ATE1: variants seen among roughly 807,000 people sequenced by gnomAD.
ATE1 encodes arginyl-tRNA--protein transferase 1.
ATE1 carries 36 observed loss-of-function variants against 70.5 expected under a neutral mutation model. That is an observed-to-expected ratio of 0.51 (90% confidence interval 0.39 to 0.67). ATE1 has a LOEUF of 0.67. ATE1 is among the 30% of genes least tolerant of loss of function. ATE1 has a pLI of 0.00. For synonymous variants in ATE1, 232 were observed against 219.3 expected, an observed-to-expected ratio of 1.06 and a Z score of -0.51; for missense variants, 593 against 629.5, an observed-to-expected ratio of 0.94 and a Z score of 0.62.
intron 8 of ATE1, among the ~76,000 whole-genome samples, chr10:121,848,319 A>C (rs572494854): frequency 1.9e-4 from 23 of 119,880 alleles, no homozygotes; most frequent in African/African-American, 5.5e-4. Context: ...TTCATTCATT[A>C]AAAAACTTAT....
intron 1 of ATE1, among the ~76,000 whole-genome samples, chr10:121,926,338 G>C (rs1952087690): frequency 6.6e-6 from 1 of 152,026 alleles, no homozygotes; most frequent in Non-Finnish European, 1.5e-5. Flanking sequence ...GAAATATCCC[G>C]ACACCTGGCA....
intron 11 of ATE1, among the ~76,000 whole-genome samples, chr10:121,759,958 C>T (rs1248277298): frequency 6.6e-6 from 1 of 152,034 alleles, no homozygotes; most frequent in Non-Finnish European, 1.5e-5. Flanking sequence ...CACAAGGGTC[C>T]TTAAGAATTA....
At chr10:121,797,806 A>G (rs1158670232) in intron 10 of ATE1, among the ~76,000 whole-genome samples, 2 of 152,164 alleles carry the variant, frequency 1.3e-5, no homozygotes, top group Non-Finnish European at 2.9e-5. Flanking sequence ...AGCTACTTTA[A>G]GTTTTTGCTC....
chr10:121,925,691 T>C (rs1043878000), intron 1 of ATE1, among the ~76,000 whole-genome samples: 3 of 151,202 alleles, frequency 2.0e-5, no homozygotes, highest in Non-Finnish European at 4.4e-5. Context: ...CTGTGCAACA[T>C]ACCAAATCTC....
At chr10:121,760,784 A>G (rs1269851238) in intron 11 of ATE1, among the ~76,000 whole-genome samples, 1 of 152,254 alleles carries the variant, frequency 6.6e-6, no homozygotes, top group Non-Finnish European at 1.5e-5. Flanking sequence ...GCTATCAAAC[A>G]GCACTGCATG....
At chr10:121,871,192 C>G (rs748841296) in intron 7 of ATE1, among the ~76,000 whole-genome samples, 1 of 152,158 alleles carries the variant, frequency 6.6e-6, no homozygotes, top group African/African-American at 2.4e-5. Context: ...TGGTGGCTCA[C>G]GCATGTAATC....
chr10:121,798,101 G>T (rs920173106), intron 10 of ATE1, among the ~76,000 whole-genome samples: 1 of 152,114 alleles, frequency 6.6e-6, no homozygotes, highest in Admixed American at 6.5e-5. Flanking sequence ...AACACCTTCT[G>T]CCTTGCTCAT....
chr10:121,757,257 T>C (rs1394093933), intron 11 of ATE1, among the ~76,000 whole-genome samples: 1 of 152,184 alleles, frequency 6.6e-6, no homozygotes, highest in Non-Finnish European at 1.5e-5. Flanking sequence ...CTCAGCCTGG[T>C]CCTTATTGTC....
chr10:121,862,736 C>A (rs1050140177), intron 8 of ATE1, among the ~76,000 whole-genome samples: 4 of 151,570 alleles, frequency 2.6e-5, no homozygotes, highest in Admixed American at 2.0e-4. Flanking sequence ...ACTTATTTGC[C>A]GGTCCCAACA....
intron 8 of ATE1, among the ~76,000 whole-genome samples, chr10:121,859,050 G>A (rs1425392895): frequency 6.6e-6 from 1 of 151,558 alleles, no homozygotes; most frequent in Non-Finnish European, 1.5e-5. Flanking sequence ...AGCTGAGATC[G>A]CACCATTGCA....
intron 10 of ATE1, among the ~76,000 whole-genome samples, chr10:121,816,084 C>T (rs1223591909): frequency 6.6e-6 from 1 of 152,018 alleles, no homozygotes; most frequent in Admixed American, 6.6e-5. Context: ...CTTCATTGCC[C>T]TACTATAGCT....
intron 11 of ATE1, among the ~76,000 whole-genome samples, chr10:121,782,047 T>G (rs140895005): frequency 5.0e-4 from 76 of 151,996 alleles, no homozygotes; most frequent in African/African-American, 1.5e-3. Context: ...AGTATTAACA[T>G]CCACAAAAAA....
At chr10:121,832,926 G>C (rs545018886) in intron 10 of ATE1, among the ~76,000 whole-genome samples, 1 of 152,282 alleles carries the variant, frequency 6.6e-6, no homozygotes, top group South Asian at 2.1e-4. Flanking sequence ...CAGGCATTTA[G>C]AAATTTGGAT....
intron 8 of ATE1, among the ~76,000 whole-genome samples, chr10:121,849,684 A>G (rs1385170134): frequency 6.6e-6 from 1 of 152,232 alleles, no homozygotes; most frequent in South Asian, 2.1e-4. Context: ...CTCTTGGTTA[A>G]TAATGATCTG....
At chr10:121,749,906 T>A (rs564441902) in intron 11 of ATE1, among the ~76,000 whole-genome samples, 96 of 152,316 alleles carry the variant, frequency 6.3e-4, no homozygotes, top group African/African-American at 2.1e-3. Context: ...GGGTATAATA[T>A]ATTAACTTGA....
intron 10 of ATE1, among the ~76,000 whole-genome samples, chr10:121,810,819 C>T (rs753236924): frequency 3.9e-5 from 6 of 152,082 alleles, no homozygotes; most frequent in East Asian, 3.9e-4. Flanking sequence ...TCTCCTGTCT[C>T]GGCCTCCTGA....
At chr10:121,899,189 GTTCT>G (rs1357582084) in intron 7 of ATE1, among the ~76,000 whole-genome samples, 2 of 148,198 alleles carry the variant, frequency 1.3e-5, no homozygotes, top group South Asian at 2.1e-4. Context: ...CCAACAATTT[GTTCT>G]TTTTTTTTTC....
intron 10 of ATE1, among the ~76,000 whole-genome samples, chr10:121,828,411 T>C (rs1948109674): frequency 6.6e-6 from 1 of 152,206 alleles, no homozygotes; most frequent in Non-Finnish European, 1.5e-5. Flanking sequence ...GGTTTTCTTC[T>C]GGTCTGTCTC....
At chr10:121,790,115 TG>T (rs1312055790) in intron 11 of ATE1, 53 bp downstream of exon 11, 2 of 1,608,614 alleles carry the variant, frequency 1.2e-6, no homozygotes, top group Non-Finnish European at 8.5e-7. Context: ...CACACACACA[TG>T]GATCATAAAA....
Sources: gnomAD v4.1 joint callset for allele counts (sites outside exome capture counted in the v4.1 genomes callset) on GRCh38, gnomAD v4.1.1 for gene constraint, MANE v1.5 for transcripts, NCBI Gene and HGNC (gene_info 2026-07-23, HGNC 2026-07-21) for gene names.